The following ABCA5 variants were observed in gnomAD, a reference collection of about 807,000 sequenced individuals.
ABCA5 encodes the protein cholesterol transporter ABCA5.
In ABCA5, 163 loss-of-function variants were observed where a neutral mutation model predicts 206.0. That is an observed-to-expected ratio of 0.79 (90% CI 0.70 to 0.90). The LOEUF (loss-of-function observed/expected upper bound fraction) is 0.90. ABCA5 is among the 40% of genes least tolerant of loss of function. ABCA5 has a pLI of 0.00. For missense variants in ABCA5, 1,859 were observed against 1,912.9 expected (o/e 0.97, Z 0.53); for synonymous variants, 609 against 613.8 (o/e 0.99, Z 0.11).
intron 28 of ABCA5, 87 bp from the exon 29 acceptor site, chr17:69,256,370 T>C: frequency 1.3e-6 from 1 of 789,662 alleles, no homozygotes; most frequent in Non-Finnish European, 1.8e-6. Flanking sequence ...GAGAAAAGAC[T>C]GAAAAAATAC....
chr17:69,256,436 TTTTTTTTC>T (rs1011076539), intron 28 of ABCA5, among the ~76,000 whole-genome samples, 153 bp from the exon 29 acceptor site: 30 of 149,378 alleles, frequency 2.0e-4, no homozygotes, highest in African/African-American at 3.2e-4. Flanking sequence ...CGATATTTCT[TTTTTTTTC>T]TTTCTTTCTT....
intron 12 of ABCA5, among the ~76,000 whole-genome samples, chr17:69,290,993 T>C (rs961672692): frequency 7.2e-5 from 11 of 152,168 alleles, no homozygotes; most frequent in Admixed American, 1.3e-4. Flanking sequence ...CATCTACGTG[T>C]GTATATGTAT....
Position 69,270,645 on chromosome 17 carries a change from T to C in ABCA5, c.2998A>G (p.Thr1000Ala). ...AATGGGGTACTCCAGATCTGGATGG[T>C]TTCAGTCACATTTAAATGATAAAGA... ...YYLYHLNVTE[T>A]IQIWSTPFFQ... is the part of the protein sequence containing the mutation. Residue 1000 changes from threonine to alanine, a missense_variant, in exon 22 of 39, where the codon ACC (threonine) becomes GCC (alanine). Coordinates refer to ENST00000392676, the MANE Select transcript of ABCA5 (RefSeq NM_172232.4). The C allele has an allele frequency of 6.3e-7, 1 of 1,599,320 alleles. No homozygotes were observed.
At chr17:69,317,280 G>GT (rs1455524033) in intron 1 of ABCA5, 1 of 151,400 alleles carries the variant, frequency 6.6e-6, no homozygotes, top group Non-Finnish European at 1.5e-5. Context: ...GTACGTTCCT[G>GT]TAACTCCAGC....
chr17:69,294,622 T>C (rs780203412), intron 11 of ABCA5, 33 bp downstream of exon 11: 3 of 1,540,618 alleles, frequency 1.9e-6, no homozygotes, highest in South Asian at 1.2e-5. Context: ...GTACTTTAAA[T>C]ACTATGGCCT....
intron 12 of ABCA5, 98 bp from the exon 13 acceptor site, chr17:69,290,135 T>C: frequency 2.5e-6 from 2 of 796,416 alleles, no homozygotes; most frequent in Non-Finnish European, 1.8e-6. Flanking sequence ...ATAACAGACA[T>C]ATAAGGTAAA....
At chr17:69,262,851 A>G (rs943408486) in intron 24 of ABCA5, among the ~76,000 whole-genome samples, 2 of 152,120 alleles carry the variant, frequency 1.3e-5, no homozygotes, top group Admixed American at 1.3e-4. Flanking sequence ...CCAAGAGTAT[A>G]TAAGAGTATA....
intron 3 of ABCA5, 138 bp from the exon 4 acceptor site, chr17:69,309,561 G>C (rs1031728148): frequency 2.9e-6 from 2 of 680,750 alleles, no homozygotes; most frequent in Admixed American, 7.9e-5. Flanking sequence ...AATGAAAACA[G>C]TCCAAGCACA....
At chr17:69,256,106 G>A in intron 29 of ABCA5, 51 bp downstream of exon 29, 1 of 1,496,206 alleles carries the variant, frequency 6.7e-7, no homozygotes, top group Non-Finnish European at 8.9e-7. Context: ...CTATATACCG[G>A]GAATTGATCA....
intron 13 of ABCA5, 47 bp from the exon 14 acceptor site, chr17:69,289,343 T>G (rs2075499090): frequency 7.3e-7 from 1 of 1,361,798 alleles, no homozygotes; most frequent in East Asian, 2.8e-5. Context: ...ATCATACCAT[T>G]TATATAATTA....
chr17:69,304,667 A>G lies in ABCA5; in HGVS notation c.930+2T>C. 1 of 1,569,292 alleles carries G rather than the reference A, an allele frequency of 6.4e-7. No homozygotes were observed. The highest frequency in any genetic ancestry group is 8.6e-7 in the Non-Finnish European group (1 of 1,159,998). On this transcript the variant is annotated splice_donor_variant, in intron 7 of 38. Coordinates refer to ENST00000392676, the MANE Select transcript of ABCA5 (RefSeq NM_172232.4). LOFTEE classifies it high-confidence loss of function. ...ATTCCTATCACAAGTTAAAATACTT[A>G]CAGATGATAATCCATAAAGGAAAAA...
chr17:69,317,399 CAAAA>C (rs1168274624), intron 1 of ABCA5, among the ~76,000 whole-genome samples: 3 of 74,580 alleles, frequency 4.0e-5, no homozygotes, highest in African/African-American at 1.1e-4. Flanking sequence ...GACTCTGTCT[CAAAA>C]AAAAAAAAAA....
Position 69,314,348 on chromosome 17 carries a change from AAGTAATTCTTC to A in ABCA5, c.57_67del (p.Lys20AsnfsTer2). On this transcript the variant is annotated frameshift_variant, in exon 2 of 39. Coordinates refer to ENST00000392676, the MANE Select transcript of ABCA5 (RefSeq NM_172232.4). LOFTEE classifies it high-confidence loss of function. ...ACTCTTTTTGGTTCTGCATTTAATTAAGTAATTCTTCAGTAGAAGTGTTCTGGTCTGTCTCC... is the reference window on the plus strand; with the variant it reads ...ACTCTTTTTGGTTCTGCATTTAATTAAGTAGAAGTGTTCTGGTCTGTCTCC... 1 of 1,613,660 alleles carries A rather than the reference AAGTAATTCTTC, an allele frequency of 6.2e-7. No individual in the cohort carries two copies. Among genetic ancestry groups the A allele is most frequent in the Non-Finnish European group, 8.5e-7 (1 of 1,179,652 alleles).
chr17:69,286,049 C>A lies in ABCA5; in HGVS notation c.2133-12G>T. 2.5e-6 allele frequency: 4 copies of A among 1,594,590 alleles called. No individual in the cohort carries two copies. Among genetic ancestry groups the A allele is most frequent in the African/African-American group, 1.4e-5 (1 of 73,804 alleles). On this transcript the variant is annotated splice_polypyrimidine_tract_variant and intron_variant, in intron 16 of 38. Transcript: ENST00000392676. ...TGTCTATGTACATGCTAGAGAATAC[C>A]AAAAATCACAATTAATGATTATACA...
chr17:69,252,602 G>A (rs1339194336), intron 34 of ABCA5, among the ~76,000 whole-genome samples: 2 of 152,044 alleles, frequency 1.3e-5, no homozygotes, highest in East Asian at 1.9e-4. Flanking sequence ...TTGGGAGGCC[G>A]AAGGGGGCGG....
chr17:69,300,244 C>A (rs777390771), intron 9 of ABCA5, among the ~76,000 whole-genome samples: 4 of 152,102 alleles, frequency 2.6e-5, no homozygotes, highest in Non-Finnish European at 4.4e-5. Flanking sequence ...CCTTCACATG[C>A]GCGGTTCGCA....
At chr17:69,258,275 G>A (rs1336900483) in intron 28 of ABCA5, among the ~76,000 whole-genome samples, 3 of 152,094 alleles carry the variant, frequency 2.0e-5, no homozygotes, top group East Asian at 3.9e-4. Flanking sequence ...CAACCTAAGA[G>A]TCCATCAACA....
intron 4 of ABCA5, among the ~76,000 whole-genome samples, chr17:69,308,690 T>C (rs1016399464): frequency 1.3e-5 from 2 of 152,178 alleles, no homozygotes; most frequent in African/African-American, 4.8e-5. Context: ...GACTTAGCTC[T>C]AAAGCACTTC....
At chr17:69,275,076 T>G (rs1567761054) in intron 19 of ABCA5, among the ~76,000 whole-genome samples, 1 of 152,066 alleles carries the variant, frequency 6.6e-6, no homozygotes, top group Non-Finnish European at 1.5e-5. Flanking sequence ...ACTCCTGGCC[T>G]CAAGTGATCC....
Sources: gnomAD v4.1 joint callset for allele counts (sites outside exome capture counted in the v4.1 genomes callset) on GRCh38, gnomAD v4.1.1 for gene constraint, MANE v1.5 for transcripts, NCBI Gene and HGNC (gene_info 2026-07-23, HGNC 2026-07-21) for gene names.